The following TMEM196 variants were observed in gnomAD, a reference collection of about 807,000 sequenced individuals.
TMEM196 encodes the protein transmembrane protein 196.
In TMEM196, 17 loss-of-function variants were observed where a neutral mutation model predicts 20.0. The ratio of observed to expected loss-of-function variants is 0.85; its 90% CI spans 0.58 to 1.27. The LOEUF (loss-of-function observed/expected upper bound fraction) is 1.27. Among genes scored for constraint, TMEM196 ranks in the 50% most tolerant of loss-of-function variants. The pLI is 0.00. For missense variants in TMEM196, 267 were observed against 223.0 expected (o/e 1.20, Z -1.26); for synonymous variants, 113 against 88.9 (o/e 1.27, Z -1.52).
intron 1 of TMEM196, among the ~76,000 whole-genome samples, chr7:19,757,337 CTTTTTTT>C (rs59859025): frequency 2.8e-5 from 2 of 70,872 alleles, no homozygotes; most frequent in Admixed American, 1.9e-4. Context: ...CCACACCCAG[CTTTTTTT>C]TTTTTTTTTT....
rs1235640559 is a variant in TMEM196 at position 19,720,482 on chromosome 7, A to G, written c.*1646T>C. 3 of 152,040 alleles carry G rather than the reference A, an allele frequency of 2.0e-5. No homozygotes were observed. The highest frequency in any genetic ancestry group is 4.4e-5 in the Non-Finnish European group (3 of 67,876). The allele number at this position is 152,040 out of a possible 1,614,324, so 9.4% of individuals were successfully genotyped here. A position where few individuals can be genotyped will look rare whatever the true frequency, so the allele number is the denominator to read the frequency against. ...TTAATTTACCTATGGTTCAACAAGT[A>G]ACTCATAAAAAATGACTTGAAAATT... On this transcript the variant is annotated 3_prime_UTR_variant, in exon 5 of 5. Transcript: ENST00000405844.
intron 1 of TMEM196, among the ~76,000 whole-genome samples, chr7:19,734,170 C>T (rs537829305): frequency 3.3e-5 from 5 of 152,146 alleles, no homozygotes; most frequent in Non-Finnish European, 7.4e-5. Context: ...CACAGCCAAA[C>T]AACATTTAGT....
At chr7:19,729,117 C>T (rs9886152) in intron 2 of TMEM196, among the ~76,000 whole-genome samples, 27,694 of 152,022 alleles carry the variant, frequency 0.18, 2,656 homozygotes, top group East Asian at 0.32. Context: ...GACTGTCATC[C>T]GTAGCAGTCA....
chr7:19,764,931 T>C (rs1785567563), intron 1 of TMEM196, among the ~76,000 whole-genome samples: 1 of 152,166 alleles, frequency 6.6e-6, no homozygotes, highest in Non-Finnish European at 1.5e-5. Flanking sequence ...GCGAAAGTTT[T>C]TCATGAAAAT....
intron 1 of TMEM196, among the ~76,000 whole-genome samples, chr7:19,729,962 A>T (rs1784136334): frequency 2.6e-5 from 4 of 152,180 alleles, no homozygotes; most frequent in Admixed American, 2.0e-4. Flanking sequence ...TGTCAGAAGA[A>T]CACAAAGAGA....
At chr7:19,749,503 A>G (rs1784879206) in intron 1 of TMEM196, among the ~76,000 whole-genome samples, 1 of 152,154 alleles carries the variant, frequency 6.6e-6, no homozygotes, top group Admixed American at 6.5e-5. Flanking sequence ...GAGCAATGCT[A>G]AATGTCCTGG....
intron 1 of TMEM196, among the ~76,000 whole-genome samples, chr7:19,743,566 A>G (rs946131997): frequency 3.3e-5 from 5 of 152,178 alleles, no homozygotes; most frequent in African/African-American, 1.2e-4. Context: ...TCATCAGTAT[A>G]CATAATTGGA....
At chr7:19,763,474 T>G (rs1318299863) in intron 1 of TMEM196, among the ~76,000 whole-genome samples, 1 of 152,174 alleles carries the variant, frequency 6.6e-6, no homozygotes, top group Non-Finnish European at 1.5e-5. Flanking sequence ...TATACCTTGG[T>G]ATTCCAACAT....
intron 2 of TMEM196, among the ~76,000 whole-genome samples, chr7:19,727,026 T>C (rs1784022614): frequency 6.6e-6 from 1 of 152,196 alleles, no homozygotes; most frequent in Admixed American, 6.5e-5. Context: ...ATCTCCTCCT[T>C]TGTTGTAATT....
At chr7:19,759,675 CAG>C (rs574490484) in intron 1 of TMEM196, among the ~76,000 whole-genome samples, 1 of 152,070 alleles carries the variant, frequency 6.6e-6, no homozygotes, top group South Asian at 2.1e-4. Context: ...CACATGCACA[CAG>C]AGTTTTTTTC....
intron 1 of TMEM196, among the ~76,000 whole-genome samples, chr7:19,747,642 G>C (rs1038181945): frequency 1.3e-5 from 2 of 152,194 alleles, no homozygotes; most frequent in East Asian, 3.8e-4. Flanking sequence ...TTTAACTCTA[G>C]AGGCTAACCT....
At chr7:19,765,155 G>C (rs1190262178) in intron 1 of TMEM196, among the ~76,000 whole-genome samples, 1 of 152,096 alleles carries the variant, frequency 6.6e-6, no homozygotes, top group Non-Finnish European at 1.5e-5. Flanking sequence ...CTGGACATTA[G>C]TTAACTATTA....
chr7:19,758,841 TACTTG>T (rs1222925230), intron 1 of TMEM196, among the ~76,000 whole-genome samples: 2 of 152,190 alleles, frequency 1.3e-5, no homozygotes, highest in African/African-American at 2.4e-5. Context: ...TCTTCACTCA[TACTTG>T]ACTTAGTCAT....
intron 1 of TMEM196, among the ~76,000 whole-genome samples, chr7:19,731,360 TGTCCTA>T (rs1242733742): frequency 2.0e-5 from 3 of 152,250 alleles, no homozygotes; most frequent in Non-Finnish European, 4.4e-5. Flanking sequence ...CCACCCACTG[TGTCCTA>T]AGTGTAGATG....
At chr7:19,748,425 A>T (rs999917145) in intron 1 of TMEM196, among the ~76,000 whole-genome samples, 2 of 152,218 alleles carry the variant, frequency 1.3e-5, no homozygotes, top group African/African-American at 4.8e-5. Flanking sequence ...TTGTCTCTAT[A>T]CACACAACCA....
intron 1 of TMEM196, among the ~76,000 whole-genome samples, chr7:19,750,756 C>G (rs1784929933): frequency 6.6e-6 from 1 of 152,068 alleles, no homozygotes; most frequent in Non-Finnish European, 1.5e-5. Context: ...TAACATCATT[C>G]CTTCAGAAAT....
chr7:19,762,826 GA>G, intron 1 of TMEM196, among the ~76,000 whole-genome samples: 1 of 152,294 alleles, frequency 6.6e-6, no homozygotes, highest in East Asian at 1.9e-4. Context: ...GGGGATTAAG[GA>G]ATGGAAGTTA....
Position 19,722,129 on chromosome 7 carries a change from T to A in TMEM196, c.539A>T (p.Ter180LeuextTer4). ...GTCCTCCATTGCTCATGTTGTCTGT[T>A]ATTTCCTGTTAGAAAAATGACATGA... ...PPTPELPTRK[*>L] The change falls in exon 5 of 5, where the codon TAA (stop) becomes TTA (leucine). Residue 180 changes from the stop codon to leucine, a stop_lost. Coordinates refer to ENST00000405844, the MANE Select transcript of TMEM196 (RefSeq NM_001363562.2). The A allele has an allele frequency of 2.5e-6, 4 of 1,607,674 alleles. No individual in the cohort carries two copies. Among genetic ancestry groups the A allele is most frequent in the Non-Finnish European group, 3.4e-6 (4 of 1,176,968 alleles).
chr7:19,725,601 G>A lies in TMEM196; in HGVS notation c.372C>T (p.Leu124=). The change falls in exon 3 of 5, where the codon CTC becomes CTT. Residue 124 remains leucine (L), a synonymous_variant. Transcript: ENST00000405844. ...GIGGCTLSSW[L]TCRLASYEQR... is the part of the protein sequence containing the mutation. ...GTTCATAACTGGCTAGTCGACAAGT[G>A]AGCCAGGAAGAGAGAGTGCAGCCCC... 1 of 1,614,130 alleles carries A rather than the reference G, an allele frequency of 6.2e-7. No individual in the cohort carries two copies. Among genetic ancestry groups the A allele is most frequent in the Non-Finnish European group, 8.5e-7 (1 of 1,180,004 alleles).
Sources: allele counts gnomAD v4.1 joint callset (sites outside exome capture counted in the v4.1 genomes callset), GRCh38; gene constraint gnomAD v4.1.1; transcripts MANE v1.5; gene names NCBI Gene and HGNC (gene_info 2026-07-23, HGNC 2026-07-21).